RNF213: variants seen among roughly 807,000 people sequenced by gnomAD.
The protein encoded by RNF213 is ring finger protein 213.
Under a neutral mutation model 514.4 loss-of-function variants are expected in RNF213, and 341 were observed. The observed-to-expected ratio is 0.66, with a 90% confidence interval of 0.61 to 0.73. The LOEUF is 0.73. RNF213 is among the 30% of genes least tolerant of loss of function. The pLI, the probability that RNF213 is intolerant of heterozygous loss-of-function variation, is 0.00. For missense variants in RNF213, 5,767 were observed against 6,615.6 expected, an observed-to-expected ratio of 0.87 and a Z score of 4.45; for synonymous variants, 2,655 against 2,658.2, an observed-to-expected ratio of 1.00 and a Z score of 0.04.
rs760950941 is a variant in RNF213 at position 80,307,154 on chromosome 17, G to C, written c.2454G>C (p.Gln818His). The change falls in exon 13 of 68, where the codon CAG becomes CAC. Residue 818 changes from glutamine to histidine, a missense_variant. Coordinates refer to ENST00000582970, the MANE Select transcript of RNF213 (RefSeq NM_001256071.3). Reference protein sequence around the residue: ...TQDVQDVQNVQNILEMLLRLL... With the variant: ...TQDVQDVQNVHNILEMLLRLL... ...ATGTTCAGGATGTTCAGAACGTTCA[G>C]AACATTTTAGAAATGCTGTTGCGAC... 1 of 1,613,756 alleles carries C rather than the reference G, an allele frequency of 6.2e-7. No individual in the cohort carries two copies. The highest frequency in any genetic ancestry group is 8.5e-7 in the Non-Finnish European group (1 of 1,179,892).
chr17:80,393,583 G>A lies in RNF213; in HGVS notation c.*85G>A. On this transcript the variant is annotated 3_prime_UTR_variant, in exon 68 of 68. Coordinates refer to ENST00000582970, the MANE Select transcript of RNF213 (RefSeq NM_001256071.3). ...GCGGCGTGGACTTGATCATGGACTGGTGCCTTTGCATTCAGAAGGAGAGCT... is the reference window on the plus strand; with the variant it reads ...GCGGCGTGGACTTGATCATGGACTGATGCCTTTGCATTCAGAAGGAGAGCT... 2 of 1,455,256 alleles carry A rather than the reference G, an allele frequency of 1.4e-6. No homozygotes were observed. Among genetic ancestry groups the A allele is most frequent in the Non-Finnish European group, 1.9e-6 (2 of 1,048,360 alleles). The allele number at this position is 1,455,256 out of a possible 1,614,324, so 90.1% of individuals were successfully genotyped here. A position where few individuals can be genotyped will look rare whatever the true frequency, so the allele number is the denominator to read the frequency against.
chr17:80,375,941 G>A (rs2079738844), intron 51 of RNF213, 71 bp downstream of exon 51: 1 of 1,139,864 alleles, frequency 8.8e-7, no homozygotes, highest in Admixed American at 1.7e-5. Flanking sequence ...TAGAATGAAA[G>A]TTATCAACAC....
rs939437764 is a variant in RNF213 at position 80,398,564 on chromosome 17, C to T, written c.*5066C>T. 3 of 152,160 alleles carry T rather than the reference C, an allele frequency of 2.0e-5. No homozygotes were observed. The highest frequency in any genetic ancestry group is 4.8e-5 in the African/African-American group (2 of 41,404). The allele number at this position is 152,160 out of a possible 1,614,324, so 9.4% of individuals were successfully genotyped here. On this transcript the variant is annotated 3_prime_UTR_variant, in exon 68 of 68. Coordinates refer to ENST00000582970, the MANE Select transcript of RNF213 (RefSeq NM_001256071.3). ...AAGCCAGGGTACCCACACCAGTTCCCGTACACAGACACTTGGTTACAGCTG... is the reference window on the plus strand; with the variant it reads ...AAGCCAGGGTACCCACACCAGTTCCTGTACACAGACACTTGGTTACAGCTG...
chr17:80,342,750 G>GTA lies in RNF213; in HGVS notation c.5990-372_5990-371dup, dbSNP rs937050513. Among the ~76,000 whole-genome samples the GTA allele has an allele frequency of 6.3e-5, 9 of 143,594 alleles. 1 individual carries two copies. Among genetic ancestry groups the GTA allele is most frequent in the East Asian group, 4.0e-4 (2 of 5,052 alleles). 94.2% of individuals were successfully genotyped at this position (143,594 alleles called of 152,430 possible). A position where few individuals can be genotyped will look rare whatever the true frequency, so the allele number is the denominator to read the frequency against. ...TATATATATTATATATATATTGTAT[G>GTA]TATATATATATTATATATATATATT... On this transcript the variant is annotated intron_variant, in intron 26 of 67. Coordinates refer to ENST00000582970, the MANE Select transcript of RNF213 (RefSeq NM_001256071.3).
In RNF213 at chr17:80,263,757, C is replaced by G. The variant is rs1341164752; in HGVS notation, c.76C>G (p.Pro26Ala). ...CTGCAGCCAGTGCGGAGAGAGGCTG[C>G]CTCCTGCAGCCCCCATAGCAGGTGA... ...KFCSQCGERL[P>A]PAAPIADSEN... The change falls in exon 2 of 68, where the codon CCT becomes GCT. Residue 26 changes from proline to alanine, a missense_variant. Physicochemically the swap from Pro to Ala is conservative, Grantham distance 27. Around this residue, in one of 13 missense-constraint regions of RNF213, gnomAD observed 509 missense variants for 496.7 expected, o/e 1.02. Transcript: ENST00000582970. The surrounding 1 kb of genome is among the most constrained non-coding windows in gnomAD (Gnocchi z 4.9). 1 of 1,614,046 alleles carries G rather than the reference C, an allele frequency of 6.2e-7. No homozygotes were observed. Among genetic ancestry groups the G allele is most frequent in the East Asian group, 2.2e-5 (1 of 44,878 alleles).
intron 40 of RNF213, 65 bp from the exon 41 acceptor site, chr17:80,363,544 C>T (rs1042533567): frequency 1.9e-5 from 30 of 1,565,654 alleles, no homozygotes; most frequent in Middle Eastern, 4.3e-4. Flanking sequence ...AGCTAACAGC[C>T]GGGGCCTCTG....
rs868310746 is a variant in RNF213 at position 80,337,862 on chromosome 17, C to A, written c.4698C>A (p.Ile1566=). ...KISPDTVLHL[I]LPESPGSHEE... Reference sequence around the variant, plus strand: ...CCCCAGACACGGTTCTGCACTTGATCCTTCCTGAGAGCCCTGGCAGCCACG... The same window carrying A: ...CCCCAGACACGGTTCTGCACTTGATACTTCCTGAGAGCCCTGGCAGCCACG... Residue 1566 remains isoleucine (I), a synonymous_variant, in exon 25 of 68, where the codon ATC becomes ATA. Transcript: ENST00000582970. 2 of 1,537,172 alleles carry A rather than the reference C, an allele frequency of 1.3e-6. No individual in the cohort carries two copies. The highest frequency in any genetic ancestry group is 2.4e-5 in the East Asian group (1 of 40,938).
chr17:80,303,552 TTTTTC>T (rs1371269747), intron 11 of RNF213, among the ~76,000 whole-genome samples: 18 of 150,676 alleles, frequency 1.2e-4, no homozygotes, highest in African/African-American at 2.5e-4. Context: ...TTCCTTTTCT[TTTTTC>T]TTTTCTTTTC....
At chr17:80,379,831 C>G (rs1299927699) in intron 55 of RNF213, 117 bp downstream of exon 55, 5 of 843,656 alleles carry the variant, frequency 5.9e-6, no homozygotes, top group Non-Finnish European at 9.9e-6. Flanking sequence ...TACATGTGGG[C>G]CTGTGTCATA....
chr17:80,333,956 G>A, intron 21 of RNF213, 149 bp from the exon 22 acceptor site: 2 of 795,280 alleles, frequency 2.5e-6, no homozygotes, highest in Non-Finnish European at 2.0e-6. Context: ...CAATTCAGGG[G>A]TAAGAGCTTG....
At chr17:80,328,999 G>T (rs2046346591) in intron 20 of RNF213, among the ~76,000 whole-genome samples, 1 of 152,254 alleles carries the variant, frequency 6.6e-6, no homozygotes. Flanking sequence ...TGTTTTCATT[G>T]TATTAATTTC....
intron 17 of RNF213, among the ~76,000 whole-genome samples, chr17:80,322,555 G>A (rs572444597): frequency 4.4e-4 from 67 of 151,890 alleles, no homozygotes; most frequent in Middle Eastern, 6.8e-3. Context: ...CGGCCTGGGC[G>A]ACAGAGCGAG....
intron 3 of RNF213, among the ~76,000 whole-genome samples, chr17:80,276,896 CAAA>C (rs202223629): frequency 6.2e-5 from 9 of 144,650 alleles, no homozygotes; most frequent in African/African-American, 2.3e-4. Flanking sequence ...ACTAAAAATA[CAAA>C]AAAAAAAATT....
At chr17:80,313,775 G>A (rs1219979535) in intron 15 of RNF213, among the ~76,000 whole-genome samples, 4 of 147,726 alleles carry the variant, frequency 2.7e-5, no homozygotes, top group Non-Finnish European at 6.0e-5. Flanking sequence ...AGGTACTGGA[G>A]GTGATGGTGG....
chr17:80,376,254 C>A (rs1233136643), intron 51 of RNF213, 47 bp from the exon 52 acceptor site: 1 of 1,607,932 alleles, frequency 6.2e-7, no homozygotes, highest in Non-Finnish European at 8.5e-7. Context: ...GAGCAATTCA[C>A]ACAATATTCT....
In RNF213 at chr17:80,317,352, A is replaced by G; in HGVS notation, c.2901+75A>G. The G allele has an allele frequency of 7.4e-7, 1 of 1,344,664 alleles. No homozygotes were observed. Among genetic ancestry groups the G allele is most frequent in the Non-Finnish European group, 1.1e-6 (1 of 949,666 alleles). The allele number at this position is 1,344,664 out of a possible 1,614,324, so 83.3% of individuals were successfully genotyped here. A position where few individuals can be genotyped will look rare whatever the true frequency, so the allele number is the denominator to read the frequency against. ...GAACCCCAGACCATTAGCGACAGCC[A>G]AGAGATCTCAGCAGTGCCTCTCTGT... On this transcript the variant is annotated intron_variant, in intron 16 of 67. Coordinates refer to ENST00000582970, the MANE Select transcript of RNF213 (RefSeq NM_001256071.3). This position sits in a 1 kb window ranked among gnomAD's most constrained non-coding sequence, Gnocchi z 4.1.
chr17:80,300,809 C>T (rs1441447314), intron 11 of RNF213, among the ~76,000 whole-genome samples: 1 of 152,142 alleles, frequency 6.6e-6, no homozygotes, highest in Non-Finnish European at 1.5e-5. Context: ...ACCTTGGCCT[C>T]CCAAAGTGCT....
chr17:80,340,491 C>A, intron 26 of RNF213, 135 bp downstream of exon 26: 1 of 834,510 alleles, frequency 1.2e-6, no homozygotes, highest in Non-Finnish European at 1.9e-6. Flanking sequence ...CTGTGGGTGT[C>A]AATCAGGGTC....
intron 42 of RNF213, 57 bp from the exon 43 acceptor site, chr17:80,367,691 C>A (rs2079333593): frequency 7.0e-7 from 1 of 1,432,092 alleles, no homozygotes; most frequent in Non-Finnish European, 9.8e-7. Context: ...TGTCGCCCGG[C>A]CTGGCCGCCC....
Sources: gnomAD v4.1 joint callset for allele counts (sites outside exome capture counted in the v4.1 genomes callset) on GRCh38, gnomAD v4.1.1 for gene constraint, gnomAD v4.1.1 regional missense constraint, Gnocchi (gnomAD v3.1) non-coding constraint, MANE v1.5 for transcripts, NCBI Gene and HGNC (gene_info 2026-07-23, HGNC 2026-07-21) for gene names.